Variants in FRMD3 observed in about 807,000 individuals in gnomAD.
FRMD3 encodes FERM domain containing 3, also known as FERM domain-containing protein 3.
In FRMD3, 33 loss-of-function variants were observed where a neutral mutation model predicts 70.2. That is an observed-to-expected ratio of 0.47 (90% CI 0.36 to 0.63). FRMD3 has a LOEUF of 0.63. FRMD3 is among the 20% of genes least tolerant of loss of function. The probability of loss-of-function intolerance (pLI) is 0.00; values close to 1 mark genes in which losing one functional copy is unlikely to be tolerated. For missense variants in FRMD3, 632 were observed against 711.4 expected (o/e 0.89, Z 1.27); for synonymous variants, 279 against 255.9 (o/e 1.09, Z -0.86).
At chr9:83,395,453 A>G (rs1825786539) in intron 1 of FRMD3, among the ~76,000 whole-genome samples, 1 of 152,112 alleles carries the variant, frequency 6.6e-6, no homozygotes, top group Admixed American at 6.5e-5. Flanking sequence ...AGTACCCATT[A>G]GTAATTTTTT....
At chr9:83,299,730 G>T (rs568272578) in intron 10 of FRMD3, among the ~76,000 whole-genome samples, 1 of 152,332 alleles carries the variant, frequency 6.6e-6, no homozygotes, top group East Asian at 1.9e-4. Flanking sequence ...ATGGTCACTG[G>T]CTTCTGTGTC....
the FRMD3 span, among the ~76,000 whole-genome samples, chr9:83,547,216 T>C: frequency 6.7e-6 from 1 of 149,202 alleles, no homozygotes; most frequent in Admixed American, 6.7e-5. Flanking sequence ...TATTATTATG[T>C]AATCATTATA....
At chr9:83,423,715 G>A (rs868537269) in intron 1 of FRMD3, among the ~76,000 whole-genome samples, 25 of 146,864 alleles carry the variant, frequency 1.7e-4, no homozygotes, top group African/African-American at 5.8e-4. Flanking sequence ...TCCTGCCTCA[G>A]CCTCCTGCGT....
At chr9:83,530,187 T>C (rs896782172) in intron 1 of FRMD3, among the ~76,000 whole-genome samples, 2 of 152,186 alleles carry the variant, frequency 1.3e-5, no homozygotes, top group African/African-American at 4.8e-5. Flanking sequence ...TTTTCAGGAA[T>C]GTTCATAGCA....
intron 13 of FRMD3, among the ~76,000 whole-genome samples, chr9:83,258,632 A>G (rs552354575): frequency 1.9e-3 from 284 of 152,346 alleles, no homozygotes; most frequent in Non-Finnish European, 3.1e-3. Flanking sequence ...GAATATAATG[A>G]ATCATCTGCA....
intron 1 of FRMD3, among the ~76,000 whole-genome samples, chr9:83,504,476 T>G (rs1300070943): frequency 6.6e-6 from 1 of 152,128 alleles, no homozygotes; most frequent in African/African-American, 2.4e-5. Flanking sequence ...CTCTCTTGGC[T>G]TCTTTCCCAG....
At position 83,506,884 on chromosome 9, in the gene FRMD3, T is replaced by C. The variant is rs547684935; in HGVS notation, c.147+31201A>G. 1.1e-4 allele frequency among the ~76,000 whole-genome samples: 16 copies of C among 152,362 alleles called. 1 individual carries two copies. The South Asian group carries it at 3.1e-3, about 30-fold the overall frequency. The stretch of plus-strand genomic sequence containing the variant: ...TCCTTATTCTATAAGCTTTGTTCTA[T>C]TTTTGTATTTTTAAACTTTTTTTCT... On this transcript the variant is annotated intron_variant, in intron 1 of 13. Coordinates refer to ENST00000304195, the MANE Select transcript of FRMD3 (RefSeq NM_174938.6).
chr9:83,405,465 T>C (rs994503797), intron 1 of FRMD3, among the ~76,000 whole-genome samples: 4 of 151,796 alleles, frequency 2.6e-5, no homozygotes, highest in African/African-American at 9.7e-5. Flanking sequence ...AGAGAAGGAT[T>C]GAAAGTATCC....
intron 10 of FRMD3, among the ~76,000 whole-genome samples, chr9:83,302,109 G>T (rs771630276): frequency 3.9e-5 from 6 of 152,190 alleles, no homozygotes; most frequent in Non-Finnish European, 8.8e-5. Context: ...GGCTGTAGAG[G>T]GGAGGGGAAT....
At chr9:83,469,777 C>T (rs1828222908) in intron 1 of FRMD3, among the ~76,000 whole-genome samples, 2 of 152,140 alleles carry the variant, frequency 1.3e-5, no homozygotes, top group Admixed American at 1.3e-4. Context: ...CAGGTAAAGG[C>T]TCCGTGGTCA....
intron 13 of FRMD3, among the ~76,000 whole-genome samples, chr9:83,259,779 C>A (rs927812491): frequency 6.6e-6 from 1 of 152,032 alleles, no homozygotes; most frequent in African/African-American, 2.4e-5. Flanking sequence ...CTAACCAGAC[C>A]CATTCCTCCT....
chr9:83,317,686 C>A (rs1051222935), intron 6 of FRMD3, among the ~76,000 whole-genome samples: 12 of 152,218 alleles, frequency 7.9e-5, no homozygotes, highest in African/African-American at 2.7e-4. Flanking sequence ...TAGGTGGTCT[C>A]TTTCTGACCA....
intron 1 of FRMD3, among the ~76,000 whole-genome samples, chr9:83,536,409 G>C (rs1166842091): frequency 1.3e-5 from 2 of 152,102 alleles, no homozygotes; most frequent in Non-Finnish European, 2.9e-5. Flanking sequence ...AGAGACAGAG[G>C]AGAACTCAAC....
At chr9:83,585,084 A>C in the FRMD3 span, among the ~76,000 whole-genome samples, 2 of 152,106 alleles carry the variant, frequency 1.3e-5, no homozygotes, top group Non-Finnish European at 2.9e-5. Flanking sequence ...AGACTGGCAA[A>C]CCCTGAGTCC....
intron 1 of FRMD3, among the ~76,000 whole-genome samples, chr9:83,393,228 T>G (rs147842396): frequency 3.3e-5 from 5 of 152,328 alleles, no homozygotes; most frequent in African/African-American, 1.2e-4. Flanking sequence ...TATAGTACAC[T>G]GTGACTTGAT....
At chr9:83,579,683 G>C in the FRMD3 span, among the ~76,000 whole-genome samples, 2 of 152,026 alleles carry the variant, frequency 1.3e-5, no homozygotes, top group Admixed American at 6.6e-5. Flanking sequence ...AAAACTACTA[G>C]ACAAAAGCAT....
At chr9:83,273,602 T>G (rs923289155) in intron 13 of FRMD3, among the ~76,000 whole-genome samples, 1 of 34,034 alleles carries the variant, frequency 2.9e-5, no homozygotes, top group African/African-American at 1.5e-4. Flanking sequence ...ATCCGATCAA[T>G]AAATACTAAA....
At chr9:83,319,947 CA>C (rs1835728632) in intron 6 of FRMD3, among the ~76,000 whole-genome samples, 1 of 152,156 alleles carries the variant, frequency 6.6e-6, no homozygotes, top group Non-Finnish European at 1.5e-5. Flanking sequence ...TCTTTATCAG[CA>C]GTGTGAAAAT....
intron 13 of FRMD3, among the ~76,000 whole-genome samples, chr9:83,250,494 G>C (rs1832353303): frequency 6.6e-6 from 1 of 152,164 alleles, no homozygotes; most frequent in African/African-American, 2.4e-5. Context: ...AGGGACCCAG[G>C]TAGCCTCATT....
Sources: gnomAD v4.1 joint callset for allele counts (sites outside exome capture counted in the v4.1 genomes callset) on GRCh38, gnomAD v4.1.1 for gene constraint, MANE v1.5 for transcripts, NCBI Gene and HGNC (gene_info 2026-07-23, HGNC 2026-07-21) for gene names.